The following THRAP3 variants were observed in gnomAD, a reference collection of about 807,000 sequenced individuals.
The protein encoded by THRAP3 is thyroid hormone receptor-associated protein 3.
THRAP3 carries 16 observed loss-of-function variants against 101.0 expected under a neutral mutation model. The ratio of observed to expected loss-of-function variants is 0.16; its 90% confidence interval spans 0.11 to 0.24. The LOEUF is 0.24. THRAP3 is among the 10% of genes least tolerant of loss of function. The probability of loss-of-function intolerance (pLI) is 1.00; values close to 1 mark genes in which losing one functional copy is unlikely to be tolerated. For synonymous variants in THRAP3, 407 were observed against 422.6 expected (o/e 0.96, Z 0.45); for missense variants, 989 against 1,202.7 (o/e 0.82, Z 2.63).
chr1:36,269,764 A>G (rs1393303721), intron 2 of THRAP3, among the ~76,000 whole-genome samples: 2 of 151,818 alleles, frequency 1.3e-5, no homozygotes, highest in Non-Finnish European at 1.5e-5. Context: ...TCTTCTGTAG[A>G]GACAGGGTCT....
Position 36,286,551 on chromosome 1 carries a change from C to T in THRAP3, c.321C>T (p.Tyr107=), listed in dbSNP as rs2242428. The change falls in exon 4 of 12, where the codon TAC becomes TAT. Residue 107 remains tyrosine (Y), a synonymous_variant. Coordinates refer to ENST00000354618, the MANE Select transcript of THRAP3 (RefSeq NM_005119.4). This position sits in a 1 kb window ranked among gnomAD's most constrained non-coding sequence, Gnocchi z 5.5. ...ATAACCGAGGAGGCTATGGAAACTACCGCTCAAATTGGCAGAATTACCGGC... is the reference window on the plus strand; with the variant it reads ...ATAACCGAGGAGGCTATGGAAACTATCGCTCAAATTGGCAGAATTACCGGC... ...GQYNRGGYGN[Y]RSNWQNYRQA... 0.36 allele frequency: 579,115 copies of T among 1,613,808 alleles called. 109,895 individuals are homozygous for T. The highest frequency in any genetic ancestry group is 0.39 in the South Asian group (35,945 of 91,058).
the THRAP3 span, among the ~76,000 whole-genome samples, chr1:36,210,378 A>G: frequency 2.0e-5 from 3 of 147,126 alleles, no homozygotes; most frequent in Non-Finnish European, 3.0e-5. Context: ...AAAAAAAAAA[A>G]AAAAGAAAAA....
chr1:36,225,628 T>A (rs991425670), intron 1 of THRAP3, among the ~76,000 whole-genome samples: 7 of 152,204 alleles, frequency 4.6e-5, no homozygotes, highest in African/African-American at 1.7e-4. Context: ...TTTTCTTCTG[T>A]TTCAGATGAC....
chr1:36,274,074 TGTCACACACA>T (rs148788528), intron 2 of THRAP3, among the ~76,000 whole-genome samples: 99,581 of 125,668 alleles, frequency 0.79, 38,768 homozygotes, highest in East Asian at 0.88. Flanking sequence ...TGTGTGTGTG[TGTCACACACA>T]CACACACACA....
chr1:36,292,258 T>G (rs1645882490), intron 6 of THRAP3, among the ~76,000 whole-genome samples: 1 of 53,746 alleles, frequency 1.9e-5, no homozygotes, highest in Non-Finnish European at 3.5e-5. Flanking sequence ...ATGTGTTTCT[T>G]TGTTTCTTTT....
intron 2 of THRAP3, among the ~76,000 whole-genome samples, chr1:36,265,239 A>G (rs1451013562): frequency 6.6e-6 from 1 of 152,208 alleles, no homozygotes; most frequent in Non-Finnish European, 1.5e-5. Flanking sequence ...ATGAAACTTT[A>G]TTATTAACTA....
intron 8 of THRAP3, among the ~76,000 whole-genome samples, chr1:36,295,286 AC>A (rs1645931147): frequency 6.6e-6 from 1 of 151,996 alleles, no homozygotes; most frequent in African/African-American, 2.4e-5. Flanking sequence ...CTGCTGTTAA[AC>A]TTTTTTTTTT....
chr1:36,235,580 C>A (rs1645075556), intron 1 of THRAP3, among the ~76,000 whole-genome samples: 1 of 152,008 alleles, frequency 6.6e-6, no homozygotes, highest in African/African-American at 2.4e-5. Flanking sequence ...CATTTTCTTC[C>A]TGAGATTTCC....
chr1:36,296,916 G>C (rs1645959689), intron 9 of THRAP3, 146 bp downstream of exon 9: 2 of 558,110 alleles, frequency 3.6e-6, no homozygotes. Flanking sequence ...TAAATGTCAG[G>C]TAGGGTCCCT....
intron 1 of THRAP3, among the ~76,000 whole-genome samples, chr1:36,226,069 C>A (rs1186694173): frequency 6.6e-6 from 1 of 152,006 alleles, no homozygotes; most frequent in Non-Finnish European, 1.5e-5. Context: ...AGTAGTACCA[C>A]CTTAGTGTAT....
At chr1:36,215,164 C>A in the THRAP3 span, among the ~76,000 whole-genome samples, 1 of 152,080 alleles carries the variant, frequency 6.6e-6, no homozygotes, top group South Asian at 2.1e-4. Flanking sequence ...GTGGGGCTTG[C>A]AGTGAGCCGA....
At chr1:36,288,452 A>C (rs1645824294) in intron 4 of THRAP3, 1 of 985,342 alleles carries the variant, frequency 1.0e-6, no homozygotes, top group Admixed American at 6.1e-5. Flanking sequence ...AGACTTGAGC[A>C]TGAGCTCTGC....
chr1:36,288,984 A>G, intron 4 of THRAP3, 76 bp from the exon 5 acceptor site: 2 of 1,403,404 alleles, frequency 1.4e-6, no homozygotes, highest in Non-Finnish European at 1.9e-6. Flanking sequence ...ATCAAAAACC[A>G]AAAACGGTAA....
chr1:36,293,884 A>C lies in THRAP3; in HGVS notation c.2064A>C (p.Lys688Asn). ...ACATTTCCCCCAGTACATTCAGAAA[A>C]CATGGTTTGGCTCATGATGAAATGA... is the stretch of plus-strand genomic sequence containing the variant. ...RIDISPSTFR[K>N]HGLAHDEMKS... The change falls in exon 8 of 12, where the codon AAA (lysine) becomes AAC (asparagine). Residue 688 changes from lysine (K) to asparagine (N), a missense_variant. Coordinates refer to ENST00000354618, the MANE Select transcript of THRAP3 (RefSeq NM_005119.4). 6.2e-7 allele frequency: 1 copy of C among 1,613,822 alleles called. No individual in the cohort carries two copies. Among genetic ancestry groups the C allele is most frequent in the South Asian group, 1.1e-5 (1 of 91,064 alleles).
the THRAP3 span, among the ~76,000 whole-genome samples, chr1:36,209,621 G>A: frequency 1.3e-5 from 2 of 152,294 alleles, no homozygotes; most frequent in South Asian, 2.1e-4. Context: ...TAAATAAAAC[G>A]TGCCAGCAAG....
chr1:36,250,180 T>G (rs569582633), intron 1 of THRAP3, among the ~76,000 whole-genome samples: 59 of 152,160 alleles, frequency 3.9e-4, no homozygotes, highest in African/African-American at 1.4e-3. Flanking sequence ...GACTGAAATT[T>G]CCTTCCAAAT....
chr1:36,267,390 G>A (rs1033986955), intron 2 of THRAP3, among the ~76,000 whole-genome samples: 2 of 152,116 alleles, frequency 1.3e-5, no homozygotes, highest in Non-Finnish European at 2.9e-5. Context: ...CAATACAGCT[G>A]TTCCGAATCA....
chr1:36,239,255 GTCTTTT>G (rs1645126650), intron 1 of THRAP3, among the ~76,000 whole-genome samples: 1 of 83,104 alleles, frequency 1.2e-5, no homozygotes, highest in Admixed American at 2.0e-4. Context: ...GCCCAGGCTG[GTCTTTT>G]TTTTTTTTTT....
At chr1:36,292,792 T>C in intron 7 of THRAP3, 83 bp downstream of exon 7, 1 of 1,021,096 alleles carries the variant, frequency 9.8e-7, no homozygotes, top group South Asian at 1.5e-5. Context: ...ATTCTGCTGC[T>C]AATGCACCTT....
Sources: gnomAD v4.1 joint callset for allele counts (sites outside exome capture counted in the v4.1 genomes callset) on GRCh38, gnomAD v4.1.1 for gene constraint, Gnocchi (gnomAD v3.1) non-coding constraint, MANE v1.5 for transcripts, NCBI Gene and HGNC (gene_info 2026-07-23, HGNC 2026-07-21) for gene names.